The following PCSK2 variants were observed in gnomAD, a reference collection of about 807,000 sequenced individuals.
PCSK2 encodes proprotein convertase subtilisin/kexin type 2, also known as neuroendocrine convertase 2.
In PCSK2, 14 loss-of-function variants were observed where a neutral mutation model predicts 69.7. The ratio of observed to expected loss-of-function variants is 0.20; its 90% CI spans 0.13 to 0.31. The LOEUF (loss-of-function observed/expected upper bound fraction) is 0.31, where lower values mean the gene tolerates loss of function less well. Ranked by LOEUF, PCSK2 falls within the 10% of genes least tolerant of loss-of-function variation. PCSK2 has a pLI of 1.00. For missense variants in PCSK2, 544 were observed against 842.5 expected, an observed-to-expected ratio of 0.65 and a Z score of 4.39; for synonymous variants, 307 against 320.7, an observed-to-expected ratio of 0.96 and a Z score of 0.46.
At chr20:17,323,669 G>C (rs753685284) in intron 2 of PCSK2, among the ~76,000 whole-genome samples, 53 of 152,338 alleles carry the variant, frequency 3.5e-4, no homozygotes, top group Non-Finnish European at 6.8e-4. Flanking sequence ...AGTAACTAAA[G>C]CTTTGTTATA....
Position 17,372,525 on chromosome 20 carries a change from A to T in PCSK2, c.543+3248A>T, listed in dbSNP as rs7273082. Among the ~76,000 whole-genome samples the T allele has an allele frequency of 3.0e-3, 462 of 152,340 alleles. 4 individuals carry two copies. The highest frequency in any genetic ancestry group is 0.01 in the African/African-American group (435 of 41,592). On this transcript the variant is annotated intron_variant, in intron 5 of 11. Transcript: ENST00000262545. ...GATGGCCACTGGTGGGATGTTATTG[A>T]AGAGATGACAATGTCTATGCTGAAC...
At chr20:17,322,805 G>A (rs529612097) in intron 2 of PCSK2, among the ~76,000 whole-genome samples, 2 of 152,286 alleles carry the variant, frequency 1.3e-5, no homozygotes, top group African/African-American at 4.8e-5. Context: ...ATTTATTCAT[G>A]GAAGTGGCAC....
chr20:17,470,128 G>A (rs1475821689), intron 11 of PCSK2, among the ~76,000 whole-genome samples: 1 of 152,170 alleles, frequency 6.6e-6, no homozygotes, highest in Non-Finnish European at 1.5e-5. Context: ...AACATGAAAT[G>A]GGCGTTGACA....
chr20:17,227,260 G>A lies in PCSK2; in HGVS notation c.-46G>A. 6.7e-7 allele frequency: 1 copy of A among 1,490,266 alleles called. No individual in the cohort carries two copies. Among genetic ancestry groups the A allele is most frequent in the Non-Finnish European group, 9.3e-7 (1 of 1,070,862 alleles). 92.3% of individuals were successfully genotyped at this position (1,490,266 alleles called of 1,614,324 possible). A position where few individuals can be genotyped will look rare whatever the true frequency, so the allele number is the denominator to read the frequency against. ...ACCCTCCCTCCGAGTCCCCTGCTCCGCCAGCCTGCGCGCCTCCTAGCACCA... is the reference window on the plus strand; with the variant it reads ...ACCCTCCCTCCGAGTCCCCTGCTCCACCAGCCTGCGCGCCTCCTAGCACCA... On this transcript the variant is annotated 5_prime_UTR_variant, in exon 1 of 12. Coordinates refer to ENST00000262545, the MANE Select transcript of PCSK2 (RefSeq NM_002594.5).
At chr20:17,243,516 A>G (rs984538251) in intron 1 of PCSK2, among the ~76,000 whole-genome samples, 11 of 152,238 alleles carry the variant, frequency 7.2e-5, no homozygotes, top group African/African-American at 2.2e-4. Flanking sequence ...TTATAGCAAT[A>G]GGAGTCCACC....
chr20:17,277,568 T>C (rs1464135095), intron 2 of PCSK2, among the ~76,000 whole-genome samples: 1 of 151,766 alleles, frequency 6.6e-6, no homozygotes, highest in East Asian at 1.9e-4. Context: ...AAAAATTAAT[T>C]CAAGATGGAT....
At chr20:17,473,521 A>C (rs1442947596) in intron 11 of PCSK2, among the ~76,000 whole-genome samples, 1 of 152,194 alleles carries the variant, frequency 6.6e-6, no homozygotes, top group African/African-American at 2.4e-5. Flanking sequence ...TTCCACCACC[A>C]ACCTCCTCCT....
At chr20:17,369,349 C>A (rs377192642) in intron 5 of PCSK2, 72 bp downstream of exon 5, 6 of 1,186,788 alleles carry the variant, frequency 5.1e-6, no homozygotes, top group Middle Eastern at 1.9e-4. Flanking sequence ...CTATTAGGAA[C>A]ATGCACATGT....
At chr20:17,376,021 G>C (rs2030915170) in intron 5 of PCSK2, among the ~76,000 whole-genome samples, 2 of 152,166 alleles carry the variant, frequency 1.3e-5, no homozygotes. Context: ...GCCTTAAGAG[G>C]CCTTGTGTGC....
chr20:17,242,302 C>T (rs1410752641), intron 1 of PCSK2, among the ~76,000 whole-genome samples: 1 of 152,218 alleles, frequency 6.6e-6, no homozygotes, highest in Non-Finnish European at 1.5e-5. Context: ...CCTCTCTCCC[C>T]TAGTTTCCCT....
At chr20:17,347,844 GAA>G (rs1568612079) in intron 2 of PCSK2, among the ~76,000 whole-genome samples, 8 of 121,056 alleles carry the variant, frequency 6.6e-5, no homozygotes, top group Non-Finnish European at 1.4e-4. Context: ...AAGAAAGAAA[GAA>G]AGAAAGAAAG....
intron 6 of PCSK2, among the ~76,000 whole-genome samples, chr20:17,427,905 C>A (rs893179231): frequency 6.6e-6 from 1 of 152,194 alleles, no homozygotes; most frequent in Non-Finnish European, 1.5e-5. Flanking sequence ...AGAAAAGCCA[C>A]ATGGTCTCCT....
At chr20:17,300,759 A>AC (rs1222212344) in intron 2 of PCSK2, among the ~76,000 whole-genome samples, 1 of 152,212 alleles carries the variant, frequency 6.6e-6, no homozygotes, top group African/African-American at 2.4e-5. Flanking sequence ...ATAATTCCTA[A>AC]AACACTGAAT....
intron 1 of PCSK2, among the ~76,000 whole-genome samples, chr20:17,233,373 A>G (rs987638616): frequency 3.3e-5 from 5 of 152,192 alleles, no homozygotes; most frequent in Admixed American, 6.5e-5. Flanking sequence ...GTTGTGCACT[A>G]GTGACACTCT....
intron 10 of PCSK2, among the ~76,000 whole-genome samples, chr20:17,462,884 T>C (rs2033036764): frequency 6.6e-6 from 1 of 152,188 alleles, no homozygotes; most frequent in Non-Finnish European, 1.5e-5. Context: ...CACCTGTAAT[T>C]CTTGGGCTGC....
chr20:17,237,603 T>C (rs1986392248), intron 1 of PCSK2, among the ~76,000 whole-genome samples: 1 of 152,106 alleles, frequency 6.6e-6, no homozygotes. Context: ...GACAAAGTCA[T>C]TGTTGAAATA....
At chr20:17,332,798 AC>A (rs1392276974) in intron 2 of PCSK2, among the ~76,000 whole-genome samples, 4 of 152,148 alleles carry the variant, frequency 2.6e-5, no homozygotes, top group African/African-American at 9.7e-5. Flanking sequence ...GATGGTTTTC[AC>A]CGTAGCATTT....
intron 2 of PCSK2, among the ~76,000 whole-genome samples, chr20:17,285,561 T>C (rs1988483983): frequency 6.6e-6 from 1 of 152,234 alleles, no homozygotes. Flanking sequence ...CTCCTATAAT[T>C]TTTAACACTG....
At chr20:17,246,366 C>A (rs1340041168) in intron 1 of PCSK2, among the ~76,000 whole-genome samples, 1 of 152,046 alleles carries the variant, frequency 6.6e-6, no homozygotes, top group Non-Finnish European at 1.5e-5. Flanking sequence ...TGGGTTGGAG[C>A]GGCTCTATTA....
Sources: allele counts gnomAD v4.1 joint callset (sites outside exome capture counted in the v4.1 genomes callset), GRCh38; gene constraint gnomAD v4.1.1; transcripts MANE v1.5; gene names NCBI Gene and HGNC (gene_info 2026-07-23, HGNC 2026-07-21).